AOX1: variants seen among roughly 807,000 people sequenced by gnomAD.
AOX1 encodes aldehyde oxidase 1.
Under a neutral mutation model 169.5 loss-of-function variants are expected in AOX1, and 153 were observed. The observed-to-expected ratio is 0.90, with a 90% CI of 0.79 to 1.03. The LOEUF is 1.03. Among genes scored for constraint, AOX1 ranks in the 50% least tolerant of loss-of-function variants. AOX1 has a pLI of 0.00. For missense variants in AOX1, 1,656 were observed against 1,663.9 expected (o/e 1.00, Z 0.08); for synonymous variants, 562 against 581.9 (o/e 0.97, Z 0.49).
intron 33 of AOX1, 36 bp from the exon 34 acceptor site, chr2:200,669,539 G>T (rs374036433): frequency 5.0e-6 from 8 of 1,609,358 alleles, no homozygotes; most frequent in Non-Finnish European, 6.0e-6. Context: ...GAGTGAGAGA[G>T]AGAGGTATAA....
chr2:200,656,762 C>T (rs78781132), intron 26 of AOX1, 80 bp from the exon 27 acceptor site: 100,276 of 1,075,394 alleles, frequency 0.093, 5,144 homozygotes, highest in Middle Eastern at 0.11. Flanking sequence ...GGAAATATTT[C>T]CAAGGAAAAT....
chr2:200,676,365 C>G (rs1043584794), downstream of AOX1, among the ~76,000 whole-genome samples: 3 of 151,826 alleles, frequency 2.0e-5, no homozygotes, highest in African/African-American at 7.3e-5. Flanking sequence ...TTTGGGAGGC[C>G]GAGGTGGGCA....
In AOX1 at chr2:200,599,766, T is replaced by A. The variant is rs999003487; in HGVS notation, c.436+20T>A. 1 of 1,452,534 alleles carries A rather than the reference T, an allele frequency of 6.9e-7. No individual in the cohort carries two copies. The highest frequency in any genetic ancestry group is 2.5e-5 in the Admixed American group (1 of 39,600). 90.0% of individuals were successfully genotyped at this position (1,452,534 alleles called of 1,614,324 possible). A position where few individuals can be genotyped will look rare whatever the true frequency, so the allele number is the denominator to read the frequency against. On this transcript the variant is annotated intron_variant, in intron 5 of 34. Transcript: ENST00000374700. ...TTGGTGGTAGGTTATATATGCATGC[T>A]TTTATTTTTTAATTTTTATTTATTT...
intron 29 of AOX1, 44 bp from the exon 30 acceptor site, chr2:200,661,535 C>T (rs750034111): frequency 2.0e-6 from 3 of 1,516,554 alleles, no homozygotes; most frequent in Non-Finnish European, 2.7e-6. Context: ...GTGATTCTTT[C>T]TTTGGGCATC....
chr2:200,651,997 A>C (rs917487107), intron 26 of AOX1, among the ~76,000 whole-genome samples: 2 of 152,042 alleles, frequency 1.3e-5, no homozygotes, highest in African/African-American at 4.8e-5. Context: ...CACAATTGTC[A>C]CTCCTCTTTG....
intron 15 of AOX1, among the ~76,000 whole-genome samples, chr2:200,614,952 T>C: frequency 6.6e-6 from 1 of 152,232 alleles, no homozygotes; most frequent in Admixed American, 6.5e-5. Context: ...TTTAAAACTT[T>C]TGCCTTGTAG....
intron 1 of AOX1, 121 bp downstream of exon 1, chr2:200,586,274 G>T (rs758101500): frequency 9.0e-7 from 1 of 1,112,080 alleles, no homozygotes; most frequent in Non-Finnish European, 1.2e-6. Context: ...GCACGGACTG[G>T]CTTTCTCCCG....
chr2:200,669,553 A>G lies in AOX1; in HGVS notation c.3799-22A>G, dbSNP rs1389056079. 3.7e-6 allele frequency: 6 copies of G among 1,613,336 alleles called. No individual in the cohort carries two copies. The South Asian group carries it at 5.5e-5, about 15-fold the overall frequency. ...AGAGTGAGAGAGAGAGGTATAATCTAGTTGGCATGCTTCCTTTCAAGGGTC... is the reference window on the plus strand; with the variant it reads ...AGAGTGAGAGAGAGAGGTATAATCTGGTTGGCATGCTTCCTTTCAAGGGTC... On this transcript the variant is annotated intron_variant, in intron 33 of 34. Coordinates refer to ENST00000374700, the MANE Select transcript of AOX1 (RefSeq NM_001159.4).
intron 12 of AOX1, among the ~76,000 whole-genome samples, chr2:200,610,966 G>A (rs1001757352): frequency 6.6e-6 from 1 of 152,126 alleles, no homozygotes; most frequent in African/African-American, 2.4e-5. Context: ...TGATTTTCCT[G>A]CCTCAGCTTC....
At position 200,620,701 on chromosome 2, in the gene AOX1, C is replaced by G. The variant is rs373513974; in HGVS notation, c.1756C>G (p.His586Asp). The change falls in exon 17 of 35, where the codon CAT (histidine) becomes GAT (aspartate). Residue 586 changes from histidine to aspartate, a missense_variant. Coordinates refer to ENST00000374700, the MANE Select transcript of AOX1 (RefSeq NM_001159.4). Reference protein sequence around the residue: ...PEDPIGHPIMHLSGVKHATGE... With the variant: ...PEDPIGHPIMDLSGVKHATGE... ...AGACCCAATTGGCCACCCCATCATGCATCTGTCTGGTGTGAAGCATGCCAC... is the reference window on the plus strand; with the variant it reads ...AGACCCAATTGGCCACCCCATCATGGATCTGTCTGGTGTGAAGCATGCCAC... The G allele has an allele frequency of 1.1e-5, 17 of 1,587,628 alleles. No individual in the cohort carries two copies. The highest frequency in any genetic ancestry group is 1.5e-5 in the Non-Finnish European group (17 of 1,171,624).
At chr2:200,631,928 A>T (rs2035136117) in intron 20 of AOX1, among the ~76,000 whole-genome samples, 1 of 152,136 alleles carries the variant, frequency 6.6e-6, no homozygotes, top group South Asian at 2.1e-4. Context: ...TTTAATGTTT[A>T]TATATTATAA....
chr2:200,614,039 T>C, intron 15 of AOX1, 73 bp downstream of exon 15: 2 of 1,376,362 alleles, frequency 1.5e-6, no homozygotes, highest in African/African-American at 1.4e-5. Context: ...AGGCAATGAC[T>C]CCCTACCAAA....
At chr2:200,645,119 T>C (rs1224974317) in intron 25 of AOX1, among the ~76,000 whole-genome samples, 1 of 152,142 alleles carries the variant, frequency 6.6e-6, no homozygotes, top group Non-Finnish European at 1.5e-5. Flanking sequence ...CCTTGTCTTG[T>C]TCCCGTTGAA....
rs116849099 is a variant in AOX1, at chr2:200,619,997, G to A, written c.1705-653G>A. On this transcript the variant is annotated intron_variant, in intron 16 of 34. Transcript: ENST00000374700. ...TAATAAAATTTAAAGAGATACATAAGCATTAGCAAGAGGACATAATTTTGT... is the reference window on the plus strand; with the variant it reads ...TAATAAAATTTAAAGAGATACATAAACATTAGCAAGAGGACATAATTTTGT... 2.1e-3 allele frequency among the ~76,000 whole-genome samples: 316 copies of A among 152,164 alleles called. 4 individuals carry two copies. The highest frequency in any genetic ancestry group is 0.015 in the Admixed American group (223 of 15,292).
At chr2:200,646,685 G>A (rs1173948983) in intron 25 of AOX1, among the ~76,000 whole-genome samples, 1 of 152,016 alleles carries the variant, frequency 6.6e-6, no homozygotes, top group African/African-American at 2.4e-5. Context: ...TTGTGTTGCT[G>A]TCTATCTCAT....
intron 28 of AOX1, 104 bp from the exon 29 acceptor site, chr2:200,659,891 G>A: frequency 2.3e-6 from 2 of 878,694 alleles, no homozygotes; most frequent in Non-Finnish European, 3.5e-6. Context: ...ATTTTTCCAT[G>A]TTCCCTCTTA....
At chr2:200,654,171 G>C (rs1448438000) in intron 26 of AOX1, among the ~76,000 whole-genome samples, 2 of 142,184 alleles carry the variant, frequency 1.4e-5, no homozygotes, top group Admixed American at 7.5e-5. Flanking sequence ...GGAAGGCACT[G>C]CACTCCAGCC....
intron 28 of AOX1, 92 bp downstream of exon 28, chr2:200,659,385 C>A: frequency 1.5e-6 from 2 of 1,374,922 alleles, no homozygotes; most frequent in Admixed American, 2.0e-5. Context: ...AGAGTTAATC[C>A]AACTCATATC....
intron 9 of AOX1, 69 bp downstream of exon 9, chr2:200,604,909 G>C: frequency 7.9e-7 from 1 of 1,268,004 alleles, no homozygotes; most frequent in Admixed American, 1.9e-5. Flanking sequence ...GCCGGGGTGG[G>C]CTGGGGAAAC....
Sources: gnomAD v4.1 joint callset for allele counts (sites outside exome capture counted in the v4.1 genomes callset) on GRCh38, gnomAD v4.1.1 for gene constraint, MANE v1.5 for transcripts, NCBI Gene and HGNC (gene_info 2026-07-23, HGNC 2026-07-21) for gene names.